Variants in NCEH1 observed in about 807,000 individuals in gnomAD.
The protein encoded by NCEH1 is 2-acetyl MAGE hydrolase.
In NCEH1, 9 loss-of-function variants were observed where a neutral mutation model predicts 25.4. The ratio of observed to expected loss-of-function variants is 0.35; its 90% CI spans 0.21 to 0.62. NCEH1 has a LOEUF of 0.62. NCEH1 is among the 20% of genes least tolerant of loss of function. NCEH1 has a pLI of 0.72. For missense variants in NCEH1, 412 were observed against 501.1 expected, an observed-to-expected ratio of 0.82 and a Z score of 1.70; for synonymous variants, 200 against 199.8, an observed-to-expected ratio of 1.00 and a Z score of -0.01.
chr3:172,641,928 T>C (rs1383567133), intron 3 of NCEH1, among the ~76,000 whole-genome samples: 1 of 152,220 alleles, frequency 6.6e-6, no homozygotes, highest in Non-Finnish European at 1.5e-5. Context: ...ATGTCTCTGT[T>C]ACTACTTGCC....
Position 172,679,492 on chromosome 3 carries a change from T to C in NCEH1, c.138+31355A>G, listed in dbSNP as rs144459393. 3.9e-5 allele frequency among the ~76,000 whole-genome samples: 6 copies of C among 152,286 alleles called. No homozygotes were observed. In the East Asian group the frequency reaches 5.8e-4, roughly 15 times the overall value. ...CCAATGTCTATAATATTCCATTCTGTATGTACCGCACACCCATCGTTTAGC... is the reference window on the plus strand; with the variant it reads ...CCAATGTCTATAATATTCCATTCTGCATGTACCGCACACCCATCGTTTAGC... On this transcript the variant is annotated intron_variant, in intron 1 of 4. Coordinates refer to ENST00000475381, the MANE Select transcript of NCEH1 (RefSeq NM_020792.6).
intron 4 of NCEH1, among the ~76,000 whole-genome samples, chr3:172,634,555 G>A (rs558438324): frequency 1.1e-3 from 172 of 152,278 alleles, no homozygotes; most frequent in Non-Finnish European, 1.7e-3. Flanking sequence ...TAGGACCTCA[G>A]GGTATGCTTT....
At chr3:172,668,348 A>ATTTT (rs1200625132) in intron 1 of NCEH1, among the ~76,000 whole-genome samples, 6,886 of 78,968 alleles carry the variant, frequency 0.087, 1,239 homozygotes, top group Middle Eastern at 0.13. Flanking sequence ...AAAAGGAAGC[A>ATTTT]TTTTTTTTTT....
intron 1 of NCEH1, among the ~76,000 whole-genome samples, chr3:172,706,026 A>C (rs1174362481): frequency 6.6e-6 from 1 of 151,498 alleles, no homozygotes; most frequent in African/African-American, 2.4e-5. Context: ...AAAAAAAAAA[A>C]AAAAAACCCA....
At chr3:172,696,536 T>A (rs947871844) in intron 1 of NCEH1, among the ~76,000 whole-genome samples, 7 of 152,234 alleles carry the variant, frequency 4.6e-5, no homozygotes, top group Non-Finnish European at 1.0e-4. Context: ...TATTGTGCAA[T>A]CTTCATAACT....
chr3:172,708,688 G>A (rs1714141258), intron 1 of NCEH1, among the ~76,000 whole-genome samples: 2 of 152,262 alleles, frequency 1.3e-5, no homozygotes, highest in Admixed American at 1.3e-4. Context: ...TAGCACTCCA[G>A]GTTTCAATCA....
chr3:172,686,695 A>G (rs2108525017), intron 1 of NCEH1, among the ~76,000 whole-genome samples: 1 of 152,288 alleles, frequency 6.6e-6, no homozygotes, highest in East Asian at 1.9e-4. Context: ...TTTTATGCAA[A>G]AGTGGCGGGT....
intron 1 of NCEH1, among the ~76,000 whole-genome samples, chr3:172,689,498 C>T (rs145730955): frequency 7.6e-4 from 115 of 151,582 alleles, no homozygotes; most frequent in African/African-American, 2.2e-3. Flanking sequence ...CTACCCGACT[C>T]GGCCTCCCAA....
rs761599724 is a variant in NCEH1, at chr3:172,710,980, C to G, written c.5G>C (p.Arg2Thr). The change falls in exon 1 of 5, where the codon AGG (arginine) becomes ACG (threonine). Residue 2 changes from arginine (R) to threonine (T), a missense_variant. Coordinates refer to ENST00000475381, the MANE Select transcript of NCEH1 (RefSeq NM_020792.6). ...GGCGGTGAGCAGGACACAGGACGAC[C>G]TCATCTTGCCCTGGCTCGGCTCGCC... The part of the protein sequence containing the change: M[R>T]SSCVLLTALV... 1.9e-6 allele frequency: 3 copies of G among 1,613,988 alleles called. No individual in the cohort carries two copies. The African/African-American group carries it at 4.0e-5, about 22-fold the overall frequency.
intron 1 of NCEH1, among the ~76,000 whole-genome samples, chr3:172,649,513 C>G (rs538693069): frequency 5.9e-5 from 9 of 152,296 alleles, no homozygotes; most frequent in African/African-American, 2.2e-4. Context: ...CTGTTCATGT[C>G]TTTGATACTA....
At chr3:172,675,315 A>AAATAAATTAATTAATT (rs1553835581) in intron 1 of NCEH1, among the ~76,000 whole-genome samples, 4 of 134,620 alleles carry the variant, frequency 3.0e-5, no homozygotes, top group African/African-American at 1.3e-4. Context: ...ATAAATAAAT[A>AAATAAATTAATTAATT]AATAAATAAA....
intron 1 of NCEH1, among the ~76,000 whole-genome samples, chr3:172,668,439 C>T (rs1718331673): frequency 7.0e-6 from 1 of 142,708 alleles, no homozygotes; most frequent in South Asian, 2.3e-4. Flanking sequence ...ACTACAAGCT[C>T]CGCCTCCCAG....
intron 1 of NCEH1, among the ~76,000 whole-genome samples, chr3:172,687,112 C>G (rs1034825806): frequency 6.6e-6 from 1 of 152,152 alleles, no homozygotes; most frequent in African/African-American, 2.4e-5. Context: ...GCCTGTACTC[C>G]TTTAATCCAA....
rs149708118 is a variant in NCEH1, at chr3:172,685,649, CCTAA to C, written c.138+25194_138+25197del. On this transcript the variant is annotated intron_variant, in intron 1 of 4. Coordinates refer to ENST00000475381, the MANE Select transcript of NCEH1 (RefSeq NM_020792.6). Reference sequence around the variant, plus strand: ...CAGTTTATCTCAATGCTTCTGCAACCCTAACTTTTTTTTTCTCTTCCCCTTCATC... The same window carrying C: ...CAGTTTATCTCAATGCTTCTGCAACCCTTTTTTTTTCTCTTCCCCTTCATC... Among the ~76,000 whole-genome samples the C allele has an allele frequency of 5.1e-4, 77 of 152,238 alleles. No individual in the cohort carries two copies. The East Asian group carries it at 0.014, about 27-fold the overall frequency.
chr3:172,682,122 G>C (rs1176228732), intron 1 of NCEH1, among the ~76,000 whole-genome samples: 1 of 152,192 alleles, frequency 6.6e-6, no homozygotes, highest in Non-Finnish European at 1.5e-5. Context: ...CAGAGCCTGT[G>C]GTGGAGGCCA....
At chr3:172,692,173 T>C (rs1713099813) in intron 1 of NCEH1, among the ~76,000 whole-genome samples, 1 of 152,052 alleles carries the variant, frequency 6.6e-6, no homozygotes, top group South Asian at 2.1e-4. Flanking sequence ...AGAATGACCG[T>C]CTGAAGTAAT....
intron 1 of NCEH1, among the ~76,000 whole-genome samples, chr3:172,707,743 G>A (rs562874807): frequency 6.6e-6 from 1 of 152,006 alleles, no homozygotes; most frequent in Non-Finnish European, 1.5e-5. Context: ...CTGCCACCAC[G>A]CCCAGCTAAT....
chr3:172,685,846 C>T (rs1411885022), intron 1 of NCEH1, among the ~76,000 whole-genome samples: 1 of 152,188 alleles, frequency 6.6e-6, no homozygotes, highest in African/African-American at 2.4e-5. Flanking sequence ...TCTGGCTTTC[C>T]AGGCTTTTGT....
chr3:172,640,038 G>A (rs1192942527), intron 3 of NCEH1, among the ~76,000 whole-genome samples: 1 of 152,220 alleles, frequency 6.6e-6, no homozygotes, highest in Non-Finnish European at 1.5e-5. Context: ...AATGTGCTAA[G>A]AGGGTTGAAA....
Sources: gnomAD v4.1 joint callset for allele counts (sites outside exome capture counted in the v4.1 genomes callset) on GRCh38, gnomAD v4.1.1 for gene constraint, MANE v1.5 for transcripts, NCBI Gene and HGNC (gene_info 2026-07-23, HGNC 2026-07-21) for gene names.